Variants in SLC12A6 observed in about 807,000 individuals in gnomAD.
SLC12A6 encodes the protein solute carrier family 12 member 6.
Under a neutral mutation model 135.3 loss-of-function variants are expected in SLC12A6, and 66 were observed. That is an observed-to-expected ratio of 0.49 (90% CI 0.40 to 0.60). The LOEUF is 0.60. Among genes scored for constraint, SLC12A6 ranks in the 20% least tolerant of loss-of-function variants. The pLI, the probability that SLC12A6 is intolerant of heterozygous loss-of-function variation, is 0.00. For missense variants in SLC12A6, 1,058 were observed against 1,452.3 expected (o/e 0.73, Z 4.41); for synonymous variants, 513 against 508.8 (o/e 1.01, Z -0.11).
At chr15:34,275,259 A>G in intron 3 of SLC12A6, 86 bp downstream of exon 3, 1 of 732,064 alleles carries the variant, frequency 1.4e-6, no homozygotes, top group South Asian at 1.6e-5. Flanking sequence ...GATAGAAAAT[A>G]GAATCAGAGA....
Position 34,233,819 on chromosome 15 carries a change from C to T in SLC12A6, c.*62G>A. ...AGTGGGAGTGGTAGTAATGAGCTGG[C>T]ACTTCCATGGAGGACGTAGGCCTTT... On this transcript the variant is annotated 3_prime_UTR_variant, in exon 26 of 26. Coordinates refer to ENST00000354181, the MANE Select transcript of SLC12A6 (RefSeq NM_001365088.1). The T allele has an allele frequency of 3.5e-6, 3 of 859,586 alleles. No individual in the cohort carries two copies. Among genetic ancestry groups the T allele is most frequent in the East Asian group, 2.4e-5 (1 of 41,426 alleles). 53.2% of individuals were successfully genotyped at this position (859,586 alleles called of 1,614,324 possible).
At position 34,336,574 on chromosome 15, in the gene SLC12A6, C is replaced by T. The variant is rs2141212975; in HGVS notation, c.107G>A (p.Ser36Asn). The change falls in exon 2 of 26, where the codon AGC becomes AAC. Residue 36 changes from serine to asparagine, a missense_variant. Physicochemically the swap from Ser to Asn is conservative, Grantham distance 46 (BLOSUM62 1). Transcript: ENST00000354181. Reference protein sequence around the residue: ...PGLSDTSPDLSSRSSSRVRFS... With the variant: ...PGLSDTSPDLNSRSSSRVRFS... The stretch of plus-strand genomic sequence containing the variant: ...TCTTACTCGGGAACTAGATCGAGAG[C>T]TGAGGTCCGGACTGGTGTCTGACAA... The T allele has an allele frequency of 6.2e-7, 1 of 1,614,030 alleles. No individual in the cohort carries two copies.
intron 2 of SLC12A6, among the ~76,000 whole-genome samples, chr15:34,294,154 T>C (rs1188456209): frequency 6.6e-6 from 1 of 152,214 alleles, no homozygotes; most frequent in Admixed American, 6.5e-5. Context: ...AAGCAATATC[T>C]ATATTCTTTT....
chr15:34,300,798 A>G (rs1376801635), intron 2 of SLC12A6, among the ~76,000 whole-genome samples: 1 of 67,012 alleles, frequency 1.5e-5, no homozygotes, highest in Non-Finnish European at 2.7e-5. Context: ...CGTCTCAAAA[A>G]AAAAAAAAAA....
At chr15:34,274,767 C>A (rs347824) in intron 3 of SLC12A6, among the ~76,000 whole-genome samples, 52,513 of 151,608 alleles carry the variant, frequency 0.35, 11,149 homozygotes, top group African/African-American at 0.61. Flanking sequence ...GAGTGGAGAT[C>A]GCACCACTGC....
rs763079270 is a variant in SLC12A6 at position 34,261,444 on chromosome 15, C to CA, written c.317-425dup. Among the ~76,000 whole-genome samples the CA allele has an allele frequency of 3.3e-5, 5 of 152,160 alleles. No homozygotes were observed. In the East Asian group the frequency reaches 7.7e-4, roughly 24 times the overall value. ...TGAAGTAGCTGGGAGTACAGGCACG[C>CA]ACCACCATGCCCAGCTAATTTGTTT... On this transcript the variant is annotated intron_variant, in intron 3 of 25. Transcript: ENST00000354181.
Position 34,336,513 on chromosome 15 carries a change from C to A in SLC12A6, c.168G>T (p.Arg56=), listed in dbSNP as rs886051056. The A allele has an allele frequency of 6.2e-7, 1 of 1,614,010 alleles. No homozygotes were observed. Among genetic ancestry groups the A allele is most frequent in the Admixed American group, 1.7e-5 (1 of 60,008 alleles). Residue 56 remains arginine (R), a synonymous_variant, in exon 2 of 26, where the codon CGG becomes CGT. Transcript: ENST00000354181. Reference sequence around the variant, plus strand: ...CAGACATCTCACTCATAGGCTCACTCCGGCTTGTTTCAGGCACGCTTTCCC... The same window carrying A: ...CAGACATCTCACTCATAGGCTCACTACGGCTTGTTTCAGGCACGCTTTCCC... ...SSRESVPETS[R]SEPMSEMSGA...
At chr15:34,318,904 T>A in intron 2 of SLC12A6, 2 of 1,089,714 alleles carry the variant, frequency 1.8e-6, no homozygotes, top group Non-Finnish European at 2.5e-6. Flanking sequence ...TTAAAAGGAT[T>A]AAGCACTCCA....
intron 2 of SLC12A6, chr15:34,318,482 A>G (rs1469308527): frequency 8.9e-7 from 1 of 1,119,106 alleles, no homozygotes; most frequent in Admixed American, 1.7e-5. Flanking sequence ...TAAAGAAGGC[A>G]TTTTGAATTT....
Position 34,248,573 on chromosome 15 carries a change from CA to C in SLC12A6, c.1649+1724del, listed in dbSNP as rs1892165730. Reference sequence around the variant, plus strand: ...ATACATATATACACCCCCACCCACACACACACACACACACACACATATACTG... The same window carrying C: ...ATACATATATACACCCCCACCCACACCACACACACACACACACATATACTG... On this transcript the variant is annotated intron_variant, in intron 13 of 25. Transcript: ENST00000354181. Among the ~76,000 whole-genome samples the C allele has an allele frequency of 2.7e-5, 4 of 148,252 alleles. No homozygotes were observed. The East Asian group carries it at 5.8e-4, about 22-fold the overall frequency.
intron 3 of SLC12A6, among the ~76,000 whole-genome samples, chr15:34,263,097 C>T (rs1321072000): frequency 6.6e-6 from 1 of 152,050 alleles, no homozygotes; most frequent in African/African-American, 2.4e-5. Flanking sequence ...CAAACCTGTA[C>T]ATGTACCCTC....
At chr15:34,300,632 A>G (rs1049423833) in intron 2 of SLC12A6, among the ~76,000 whole-genome samples, 1 of 151,908 alleles carries the variant, frequency 6.6e-6, no homozygotes, top group East Asian at 1.9e-4. Flanking sequence ...ACACACACCC[A>G]AAAGTTTTTA....
chr15:34,324,614 T>TA (rs397760871), intron 2 of SLC12A6, among the ~76,000 whole-genome samples: 26,767 of 151,576 alleles, frequency 0.18, 2,554 homozygotes, highest in East Asian at 0.32. Flanking sequence ...ACCCATTTAT[T>TA]AAAAAAAAAT....
intron 12 of SLC12A6, 50 bp from the exon 13 acceptor site, chr15:34,250,405 T>G: frequency 8.8e-7 from 1 of 1,138,538 alleles, no homozygotes; most frequent in African/African-American, 1.5e-5. Context: ...TAACATGAGA[T>G]AGAAAGTAGA....
At chr15:34,285,776 TACA>T (rs886099044) in intron 2 of SLC12A6, among the ~76,000 whole-genome samples, 3 of 141,832 alleles carry the variant, frequency 2.1e-5, no homozygotes, top group Admixed American at 2.1e-4. Flanking sequence ...AGACACATGC[TACA>T]ACATGGATGA....
rs996639834 is a variant in SLC12A6, at chr15:34,230,791, A to G, written c.*3090T>C. The G allele has an allele frequency of 1.3e-5, 2 of 152,686 alleles. No homozygotes were observed. The highest frequency in any genetic ancestry group is 2.4e-5 in the African/African-American group (1 of 41,472). The allele number at this position is 152,686 out of a possible 1,614,324, so 9.5% of individuals were successfully genotyped here. On this transcript the variant is annotated 3_prime_UTR_variant, in exon 26 of 26. Coordinates refer to ENST00000354181, the MANE Select transcript of SLC12A6 (RefSeq NM_001365088.1). ...TGAAATACTCTAGACAGACATGAATATAAATCTGGCCTAATAACCAGTTTT... is the reference window on the plus strand; with the variant it reads ...TGAAATACTCTAGACAGACATGAATGTAAATCTGGCCTAATAACCAGTTTT...
At chr15:34,243,101 C>T (rs1178247524) in intron 16 of SLC12A6, among the ~76,000 whole-genome samples, 1 of 152,028 alleles carries the variant, frequency 6.6e-6, no homozygotes, top group Non-Finnish European at 1.5e-5. Flanking sequence ...CCATGTTGGT[C>T]AGGCTGGTCT....
intron 2 of SLC12A6, among the ~76,000 whole-genome samples, chr15:34,276,546 C>CA (rs1449822838): frequency 6.6e-6 from 1 of 152,212 alleles, no homozygotes; most frequent in African/African-American, 2.4e-5. Flanking sequence ...CCACTTTCCT[C>CA]AAAGACTAAA....
At chr15:34,237,583 G>A (rs756324424) in intron 21 of SLC12A6, 33 bp from the exon 22 acceptor site, 3 of 1,594,546 alleles carry the variant, frequency 1.9e-6, no homozygotes, top group Non-Finnish European at 2.6e-6. Flanking sequence ...TGAAAAATTA[G>A]AGCAAGGAGG....
Sources: allele counts gnomAD v4.1 joint callset (sites outside exome capture counted in the v4.1 genomes callset), GRCh38; gene constraint gnomAD v4.1.1; transcripts MANE v1.5; gene names NCBI Gene and HGNC (gene_info 2026-07-23, HGNC 2026-07-21).